The following CTNNA1 variants were observed in gnomAD, a reference collection of about 807,000 sequenced individuals.
CTNNA1 encodes the protein catenin alpha-1.
CTNNA1 carries 37 observed loss-of-function variants against 98.4 expected under a neutral mutation model. The observed-to-expected ratio is 0.38, with a 90% CI of 0.29 to 0.49. CTNNA1 has a LOEUF of 0.49. CTNNA1 is among the 20% of genes least tolerant of loss of function. The pLI, the probability that CTNNA1 is intolerant of heterozygous loss-of-function variation, is 0.95. For synonymous variants in CTNNA1, 404 were observed against 413.2 expected (o/e 0.98, Z 0.27); for missense variants, 761 against 1,147.2 (o/e 0.66, Z 4.86).
intron 7 of CTNNA1, chr5:138,875,318 G>A (rs1474447704): frequency 2.6e-5 from 24 of 908,802 alleles, no homozygotes; most frequent in South Asian, 9.3e-5. Flanking sequence ...AAGCTTTTCC[G>A]AGAAACGGCA....
rs534350892 is a variant in CTNNA1, at chr5:138,922,780, C to G, written c.1547-1730C>G. Among the ~76,000 whole-genome samples, 43 of 152,156 alleles carry G rather than the reference C, an allele frequency of 2.8e-4. 1 individual carries two copies. Among genetic ancestry groups the G allele is most frequent in the Admixed American group, 2.6e-3 (40 of 15,282 alleles). On this transcript the variant is annotated intron_variant, in intron 11 of 17. Transcript: ENST00000302763. ...GTAGCCTCAGCGAGGCTGGGGCTTT[C>G]CTAGAGACAAGTGTTTCATGAGGGT...
intron 13 of CTNNA1, among the ~76,000 whole-genome samples, chr5:138,928,753 G>A (rs1764662983): frequency 6.6e-6 from 1 of 152,204 alleles, no homozygotes; most frequent in Non-Finnish European, 1.5e-5. Flanking sequence ...GACCAACATG[G>A]TGAAACCCCG....
intron 7 of CTNNA1, among the ~76,000 whole-genome samples, chr5:138,837,660 A>G (rs1400328397): frequency 6.7e-6 from 1 of 150,098 alleles, no homozygotes; most frequent in Non-Finnish European, 1.5e-5. Context: ...TTATTCTGCC[A>G]CCCAGGCTGG....
At chr5:138,933,732 C>A (rs907758830) in intron 17 of CTNNA1, 70 bp from the exon 18 acceptor site, 1 of 1,524,826 alleles carries the variant, frequency 6.6e-7, no homozygotes, top group Non-Finnish European at 8.9e-7. Flanking sequence ...CCCCTTCAAG[C>A]ACAGCCCACC....
intron 7 of CTNNA1, among the ~76,000 whole-genome samples, chr5:138,853,061 G>T (rs1763389643): frequency 6.6e-6 from 1 of 151,898 alleles, no homozygotes; most frequent in Non-Finnish European, 1.5e-5. Context: ...CCCATGTGTT[G>T]TGTGTTTTTA....
At chr5:138,757,548 A>G (rs775414881) in intron 1 of CTNNA1, among the ~76,000 whole-genome samples, 5 of 152,196 alleles carry the variant, frequency 3.3e-5, no homozygotes, top group African/African-American at 9.6e-5. Flanking sequence ...CTCTCCCAAC[A>G]TAACCTTTCA....
At position 138,907,850 on chromosome 5, in the gene CTNNA1, G is replaced by A. The variant is rs531869392; in HGVS notation, c.1389+3409G>A. Reference sequence around the variant, plus strand: ...TTTTATGCCTCATGCCCAGGCTGCTGTACATAGGCAGCACTACAGTTTGGA... The same window carrying A: ...TTTTATGCCTCATGCCCAGGCTGCTATACATAGGCAGCACTACAGTTTGGA... On this transcript the variant is annotated intron_variant, in intron 10 of 17. Coordinates refer to ENST00000302763, the MANE Select transcript of CTNNA1 (RefSeq NM_001903.5). Among the ~76,000 whole-genome samples the A allele has an allele frequency of 3.9e-5, 6 of 152,310 alleles. No individual in the cohort carries two copies. The East Asian group carries it at 7.7e-4, about 20-fold the overall frequency.
intron 1 of CTNNA1, among the ~76,000 whole-genome samples, chr5:138,763,099 G>GT (rs11421131): frequency 0.68 from 102,331 of 150,846 alleles, 34,873 homozygotes; most frequent in East Asian, 0.93. Flanking sequence ...TTATTGCTAT[G>GT]TTTTTTTTTG....
chr5:138,853,332 T>C (rs1341640560), intron 7 of CTNNA1, among the ~76,000 whole-genome samples: 1 of 152,186 alleles, frequency 6.6e-6, no homozygotes, highest in Non-Finnish European at 1.5e-5. Flanking sequence ...TTGGATTTGC[T>C]TTTTTATGAA....
At chr5:138,803,825 CTT>C (rs1757817943) in intron 3 of CTNNA1, among the ~76,000 whole-genome samples, 1 of 152,156 alleles carries the variant, frequency 6.6e-6, no homozygotes, top group South Asian at 2.1e-4. Context: ...TGTTTATTGT[CTT>C]TCTCTCCCAC....
chr5:138,760,275 T>G (rs1242654632), intron 1 of CTNNA1, among the ~76,000 whole-genome samples: 6 of 151,806 alleles, frequency 4.0e-5, no homozygotes, highest in Admixed American at 3.9e-4. Flanking sequence ...ATTGCAGGAG[T>G]GAGCCACCGT....
At chr5:138,802,248 T>G (rs1299945440) in intron 3 of CTNNA1, among the ~76,000 whole-genome samples, 1 of 152,224 alleles carries the variant, frequency 6.6e-6, no homozygotes, top group Non-Finnish European at 1.5e-5. Context: ...TTTAGTACAT[T>G]AAGCAAATAT....
Position 138,783,338 on chromosome 5 carries a change from G to C in CTNNA1, c.267G>C (p.Glu89Asp). ...AGGAGAGCCAGTTTCTCAAGGAGGA[G>C]CTTGTGGCTGCTGTAGAAGATGTTC... is the stretch of plus-strand genomic sequence containing the variant. ...IAKESQFLKE[E>D]LVAAVEDVRK... The change falls in exon 3 of 18, where the codon GAG becomes GAC. Residue 89 changes from glutamate to aspartate, a missense_variant. This residue lies in a region of CTNNA1 where 328 missense variants were observed against 354.3 expected (regional missense o/e 0.93). Transcript: ENST00000302763. The C allele has an allele frequency of 6.2e-7, 1 of 1,614,048 alleles. No homozygotes were observed. The highest frequency in any genetic ancestry group is 1.1e-5 in the South Asian group (1 of 91,076).
intron 10 of CTNNA1, among the ~76,000 whole-genome samples, chr5:138,912,758 TTA>T (rs67992442): frequency 0.32 from 48,151 of 151,904 alleles, 7,956 homozygotes; most frequent in African/African-American, 0.41. Flanking sequence ...ATTTTTAAAA[TTA>T]TATAAGTAAG....
intron 3 of CTNNA1, among the ~76,000 whole-genome samples, chr5:138,798,309 A>G (rs570196428): frequency 6.6e-6 from 1 of 152,202 alleles, no homozygotes; most frequent in Non-Finnish European, 1.5e-5. Flanking sequence ...AGATAAAACA[A>G]CCCAAAGTAA....
At chr5:138,801,480 A>T (rs2149706475) in intron 3 of CTNNA1, among the ~76,000 whole-genome samples, 1 of 152,330 alleles carries the variant, frequency 6.6e-6, no homozygotes, top group Admixed American at 6.5e-5. Flanking sequence ...CAATATGCTT[A>T]TTGAACAAAA....
chr5:138,818,442 C>T (rs1759679556), intron 5 of CTNNA1, among the ~76,000 whole-genome samples: 2 of 152,028 alleles, frequency 1.3e-5, no homozygotes, highest in African/African-American at 2.4e-5. Flanking sequence ...TCTTATGTCC[C>T]TGTTTTGATG....
intron 4 of CTNNA1, among the ~76,000 whole-genome samples, chr5:138,811,760 A>G (rs886155983): frequency 4.6e-5 from 7 of 152,146 alleles, no homozygotes; most frequent in Admixed American, 2.6e-4. Context: ...CACCAAAAAA[A>G]TACGAAAACC....
chr5:138,855,154 T>C (rs1401653709), intron 7 of CTNNA1, among the ~76,000 whole-genome samples: 1 of 152,224 alleles, frequency 6.6e-6, no homozygotes, highest in African/African-American at 2.4e-5. Flanking sequence ...TTCTTCTGCC[T>C]CAGCCTCCCG....
Sources: allele counts gnomAD v4.1 joint callset (sites outside exome capture counted in the v4.1 genomes callset), GRCh38; gene constraint gnomAD v4.1.1; regional missense constraint gnomAD v4.1.1; transcripts MANE v1.5; gene names NCBI Gene and HGNC (gene_info 2026-07-23, HGNC 2026-07-21).